The following MORC4 variants were observed in gnomAD, a reference collection of about 807,000 sequenced individuals.
MORC4 encodes the protein MORC family CW-type zinc finger 4.
MORC4 carries 22 observed loss-of-function variants against 65.5 expected under a neutral mutation model. That is an observed-to-expected ratio of 0.34 (90% CI 0.24 to 0.48). The LOEUF (loss-of-function observed/expected upper bound fraction) is 0.48. MORC4 is among the 20% of genes least tolerant of loss of function. The pLI is 0.99. For missense variants in MORC4, 624 were observed against 703.0 expected, an observed-to-expected ratio of 0.89 and a Z score of 1.27; for synonymous variants, 267 against 255.8, an observed-to-expected ratio of 1.04 and a Z score of -0.42.
At chrX:106,985,849 C>T in intron 4 of MORC4, 134 bp downstream of exon 4, 2 of 489,918 alleles carry the variant, frequency 4.1e-6, no homozygotes, top group East Asian at 3.5e-5. Flanking sequence ...GAGAAAAATC[C>T]CAGTTAAATT....
At chrX:106,981,089 C>A in intron 6 of MORC4, 70 bp from the exon 7 acceptor site, 7 of 1,129,475 alleles carry the variant, frequency 6.2e-6, no homozygotes, top group Non-Finnish European at 8.4e-6. Context: ...CCCCATAAAA[C>A]ACTGCTACCA....
intron 10 of MORC4, among the ~76,000 whole-genome samples, chrX:106,959,390 A>G (rs1186102565): frequency 8.9e-6 from 1 of 111,824 alleles, no homozygotes. Context: ...TTTCACTAAC[A>G]TGTAATTTAG....
chrX:106,962,217 C>T lies in MORC4; in HGVS notation c.1158-107G>A, dbSNP rs1384999961. 3 of 568,251 alleles carry T rather than the reference C, an allele frequency of 5.3e-6. No individual in the cohort carries two copies. The East Asian group carries it at 1.1e-4, about 20-fold the overall frequency. The allele number at this position is 568,251 out of a possible 1,213,427, so 46.8% of individuals were successfully genotyped here. A position where few individuals can be genotyped will look rare whatever the true frequency, so the allele number is the denominator to read the frequency against. On this transcript the variant is annotated intron_variant, in intron 9 of 16. Coordinates refer to ENST00000355610, the MANE Select transcript of MORC4 (RefSeq NM_024657.5). ...GACACCAATAATTTAGAGTATCTGG[C>T]ATATTTTTGAACATCTACACTTTAA...
intron 14 of MORC4, among the ~76,000 whole-genome samples, chrX:106,943,448 G>A (rs1255945043): frequency 9.0e-6 from 1 of 111,334 alleles, no homozygotes; most frequent in Non-Finnish European, 1.9e-5. Flanking sequence ...AATAGGACTA[G>A]GTTGACCTTG....
At chrX:106,986,429 T>C (rs957293652) in intron 3 of MORC4, among the ~76,000 whole-genome samples, 3 of 112,018 alleles carry the variant, frequency 2.7e-5, no homozygotes, top group African/African-American at 6.5e-5. Context: ...TGTGTATACA[T>C]AAATAGTTCC....
intron 3 of MORC4, among the ~76,000 whole-genome samples, chrX:106,987,962 T>G (rs1327821521): frequency 9.0e-6 from 1 of 111,544 alleles, no homozygotes; most frequent in African/African-American, 3.2e-5. Flanking sequence ...GCATTCCCAT[T>G]TTTCTTGTGG....
At chrX:106,942,455 A>T (rs1933713205) in intron 15 of MORC4, 60 bp downstream of exon 15, 1 of 1,051,080 alleles carries the variant, frequency 9.5e-7, no homozygotes, top group African/African-American at 1.9e-5. Context: ...CAGGGCACCA[A>T]TGTCCCGCTC....
rs1289673236 is a variant in MORC4, at chrX:106,956,939, T to C, written c.1451A>G (p.Lys484Arg). Residue 484 changes from lysine to arginine, a missense_variant, in exon 12 of 17, where the codon AAA becomes AGA. By Grantham distance (26) the Lys-to-Arg change is conservative. Coordinates refer to ENST00000355610, the MANE Select transcript of MORC4 (RefSeq NM_024657.5). ...CCCCATCTCATGTATACTCAACTGT[T>C]TCTTAGCTTTGCTCAAGCACAGGTC... is the stretch of plus-strand genomic sequence containing the variant. ...DEDLCLSKAK[K>R]QEQTVEEKKK... 1 of 1,191,800 alleles carries C rather than the reference T, an allele frequency of 8.4e-7. No individual in the cohort carries two copies.
intron 14 of MORC4, among the ~76,000 whole-genome samples, chrX:106,953,931 C>T (rs901657744): frequency 8.9e-6 from 1 of 111,983 alleles, no homozygotes; most frequent in Admixed American, 9.4e-5. Flanking sequence ...CGAGACCAGC[C>T]TGACCAACAT....
intron 2 of MORC4, among the ~76,000 whole-genome samples, chrX:106,996,808 G>A (rs1293144323): frequency 2.7e-5 from 3 of 111,932 alleles, no homozygotes; most frequent in African/African-American, 9.8e-5. Flanking sequence ...TCCCTTCGTG[G>A]GAGGACCCCA....
chrX:106,941,782 A>G, intron 16 of MORC4, 150 bp from the exon 17 acceptor site: 1 of 802,188 alleles, frequency 1.2e-6, no homozygotes. Flanking sequence ...CACCAAGCAC[A>G]GGGAGACTGG....
In MORC4 at chrX:106,950,190, G is replaced by GT. The variant is rs763018065; in HGVS notation, c.1685+4722dup. Among the ~76,000 whole-genome samples the GT allele has an allele frequency of 1.8e-4, 20 of 112,340 alleles. No homozygotes were observed. The East Asian group carries it at 5.3e-3, about 30-fold the overall frequency. On this transcript the variant is annotated intron_variant, in intron 14 of 16. Transcript: ENST00000355610. ...TATGATCCGAAGAGGGCTCTTGACT[G>GT]TATTTCCCTGATTCTCTCTGTTACC...
intron 3 of MORC4, among the ~76,000 whole-genome samples, chrX:106,988,216 G>A (rs1353230163): frequency 9.0e-6 from 1 of 111,643 alleles, no homozygotes; most frequent in Non-Finnish European, 1.9e-5. Context: ...TCGTTAACCG[G>A]ACTTCAACTT....
intron 2 of MORC4, 46 bp downstream of exon 2, chrX:106,999,631 A>AC: frequency 9.6e-7 from 1 of 1,046,982 alleles, no homozygotes; most frequent in Non-Finnish European, 1.3e-6. Flanking sequence ...CCACGCTGGC[A>AC]CCACTGCCTC....
intron 14 of MORC4, among the ~76,000 whole-genome samples, chrX:106,946,438 T>C (rs1174640717): frequency 8.9e-6 from 1 of 112,720 alleles, no homozygotes; most frequent in East Asian, 2.8e-4. Context: ...TCAAGTTTCA[T>C]CCATGTTGTA....
At chrX:106,951,058 GCTC>G (rs759487461) in intron 14 of MORC4, among the ~76,000 whole-genome samples, 5 of 111,372 alleles carry the variant, frequency 4.5e-5, no homozygotes, top group Non-Finnish European at 9.4e-5. Context: ...AGTCCACTAT[GCTC>G]CTCATTTCTC....
Position 106,980,890 on chromosome X carries a change from C to A in MORC4, c.936+1G>T. ...ATGTAGTGGTACACTTGTAAGGATA[C>A]TGTGAAGGTAGGTTTATATGTATCA... On this transcript the variant is annotated splice_donor_variant, in intron 7 of 16. Coordinates refer to ENST00000355610, the MANE Select transcript of MORC4 (RefSeq NM_024657.5). LOFTEE classifies it high-confidence loss of function. 8.3e-7 allele frequency: 1 copy of A among 1,204,110 alleles called. No homozygotes were observed. Among genetic ancestry groups the A allele is most frequent in the Non-Finnish European group, 1.1e-6 (1 of 888,991 alleles).
rs755944104 is a variant in MORC4 at position 106,941,644 on chromosome X, A to G, written c.2661-12T>C. The G allele has an allele frequency of 4.2e-6, 5 of 1,203,470 alleles. No individual in the cohort carries two copies. The East Asian group carries it at 1.5e-4, about 36-fold the overall frequency. On this transcript the variant is annotated splice_polypyrimidine_tract_variant and intron_variant, in intron 16 of 16. Transcript: ENST00000355610. ...GCTTTGCCAAAGCCCTGTATGAAGG[A>G]GTGAGGGGGCAGGAGAAGAGATGAC...
chrX:106,985,351 G>T, intron 4 of MORC4, 108 bp from the exon 5 acceptor site: 1 of 491,447 alleles, frequency 2.0e-6, no homozygotes, highest in Non-Finnish European at 3.2e-6. Flanking sequence ...CATACAGCAT[G>T]CATATTACTG....
Sources: gnomAD v4.1 joint callset for allele counts (sites outside exome capture counted in the v4.1 genomes callset) on GRCh38, gnomAD v4.1.1 for gene constraint, MANE v1.5 for transcripts, NCBI Gene and HGNC (gene_info 2026-07-23, HGNC 2026-07-21) for gene names.